ADORA1: variants seen among roughly 807,000 people sequenced by gnomAD.
The protein encoded by ADORA1 is adenosine receptor A1.
In ADORA1, 6 loss-of-function variants were observed where a neutral mutation model predicts 19.9. That is an observed-to-expected ratio of 0.30 (90% CI 0.17 to 0.59). The LOEUF is 0.59. Ranked by LOEUF, ADORA1 falls within the 20% of genes least tolerant of loss-of-function variation. The probability of loss-of-function intolerance (pLI) is 0.87; values close to 1 mark genes in which losing one functional copy is unlikely to be tolerated. For synonymous variants in ADORA1, 194 were observed against 188.4 expected (o/e 1.03, Z -0.24); for missense variants, 302 against 439.2 (o/e 0.69, Z 2.79).
chr1:203,146,822 A>G (rs1171051254), intron 3 of ADORA1, among the ~76,000 whole-genome samples: 1 of 152,196 alleles, frequency 6.6e-6, no homozygotes, highest in Non-Finnish European at 1.5e-5. Flanking sequence ...TGCTGCCTCA[A>G]TCACAAGTGC....
chr1:203,131,757 G>A (rs1654346262), intron 3 of ADORA1, among the ~76,000 whole-genome samples: 2 of 152,216 alleles, frequency 1.3e-5, no homozygotes, highest in Admixed American at 6.5e-5. Context: ...CTCCTGCGTG[G>A]CACTGCCCAG....
At chr1:203,144,515 C>G (rs543248428) in intron 3 of ADORA1, among the ~76,000 whole-genome samples, 3 of 152,266 alleles carry the variant, frequency 2.0e-5, no homozygotes, top group Admixed American at 2.0e-4. Context: ...TAATATATCC[C>G]CATTTTCCAC....
chr1:203,144,517 A>G lies in ADORA1; in HGVS notation c.341+15335A>G, dbSNP rs5019958. Reference sequence around the variant, plus strand: ...CTAATAAATTAAATAATATATCCCCATTTTCCACATGAGGGAGCCGAGGCT... The same window carrying G: ...CTAATAAATTAAATAATATATCCCCGTTTTCCACATGAGGGAGCCGAGGCT... On this transcript the variant is annotated intron_variant, in intron 3 of 3. Coordinates refer to ENST00000337894, the MANE Select transcript of ADORA1 (RefSeq NM_000674.3). Among the ~76,000 whole-genome samples the G allele has an allele frequency of 4.4e-3, 669 of 152,262 alleles. 11 individuals carry two copies. Among genetic ancestry groups the G allele is most frequent in the East Asian group, 0.031 (159 of 5,188 alleles).
chr1:203,165,178 C>A lies in ADORA1; in HGVS notation c.342-83C>A. 1.9e-6 allele frequency: 3 copies of A among 1,598,632 alleles called. No individual in the cohort carries two copies. Among genetic ancestry groups the A allele is most frequent in the Non-Finnish European group, 2.6e-6 (3 of 1,173,212 alleles). ...AGAGGAGGGTGCTCCTCTTAGAGGC[C>A]CCTGGAGGCCAGGCGTGCCTCAGAG... On this transcript the variant is annotated intron_variant, in intron 3 of 3. Transcript: ENST00000337894. The surrounding 1 kb of genome is among the most constrained non-coding windows in gnomAD (Gnocchi z 5.9).
At chr1:203,137,542 T>C (rs1011266589) in intron 3 of ADORA1, among the ~76,000 whole-genome samples, 24 of 152,166 alleles carry the variant, frequency 1.6e-4, no homozygotes, top group African/African-American at 5.6e-4. Context: ...AGTAGTTAGG[T>C]GCTATTGCAG....
chr1:203,165,961 C>A lies in ADORA1; in HGVS notation c.*61C>A. ...GGGGTCTCAGTCCAGTCCTCACATG[C>A]CCGCTGTCCCAGGGGTCTCCCTGAG... On this transcript the variant is annotated 3_prime_UTR_variant, in exon 4 of 4. Transcript: ENST00000337894. This position sits in a 1 kb window ranked among gnomAD's most constrained non-coding sequence, Gnocchi z 5.9. 2 of 1,497,944 alleles carry A rather than the reference C, an allele frequency of 1.3e-6. No individual in the cohort carries two copies. The highest frequency in any genetic ancestry group is 2.3e-5 in the East Asian group (1 of 43,456). The allele number at this position is 1,497,944 out of a possible 1,614,324, so 92.8% of individuals were successfully genotyped here. A position where few individuals can be genotyped will look rare whatever the true frequency, so the allele number is the denominator to read the frequency against.
intron 3 of ADORA1, among the ~76,000 whole-genome samples, chr1:203,162,157 G>C (rs3753473): frequency 1.3e-5 from 2 of 152,166 alleles, no homozygotes; most frequent in Admixed American, 6.5e-5. Context: ...GTAAGGATAG[G>C]TGAGCTTCTC....
intron 3 of ADORA1, among the ~76,000 whole-genome samples, chr1:203,147,646 A>G (rs1654899238): frequency 6.6e-6 from 1 of 152,190 alleles, no homozygotes. Flanking sequence ...TGCATTTTAA[A>G]AGGACCCCAG....
intron 3 of ADORA1, among the ~76,000 whole-genome samples, chr1:203,147,968 C>T (rs1480599813): frequency 1.3e-5 from 2 of 152,160 alleles, no homozygotes; most frequent in Non-Finnish European, 2.9e-5. Flanking sequence ...CCTATAATCC[C>T]AGCACTTTGG....
intron 3 of ADORA1, among the ~76,000 whole-genome samples, chr1:203,154,927 C>A (rs1410812835): frequency 6.6e-6 from 1 of 152,082 alleles, no homozygotes; most frequent in African/African-American, 2.4e-5. Context: ...ATGCCCACCC[C>A]CTCTTCCTTC....
chr1:203,132,027 A>G (rs115505398), intron 3 of ADORA1, among the ~76,000 whole-genome samples: 5 of 152,260 alleles, frequency 3.3e-5, no homozygotes, highest in Admixed American at 6.5e-5. Flanking sequence ...GTCAACCACA[A>G]ATTTTCTTTC....
At chr1:203,151,252 T>G (rs552910607) in intron 3 of ADORA1, among the ~76,000 whole-genome samples, 63 of 152,328 alleles carry the variant, frequency 4.1e-4, no homozygotes, top group Admixed American at 7.8e-4. Flanking sequence ...GGAGCTTTAC[T>G]GGGGTTCTCC....
chr1:203,135,162 A>G (rs1316997778), intron 3 of ADORA1, among the ~76,000 whole-genome samples: 2 of 152,230 alleles, frequency 1.3e-5, no homozygotes, highest in African/African-American at 4.8e-5. Flanking sequence ...CCAGGGACAC[A>G]TCTGCTTACA....
chr1:203,162,189 C>T (rs539334374), intron 3 of ADORA1, among the ~76,000 whole-genome samples: 1 of 152,318 alleles, frequency 6.6e-6, no homozygotes, highest in South Asian at 2.1e-4. Flanking sequence ...GGAGGCAGCC[C>T]TTCCTGTGAG....
chr1:203,133,793 G>A (rs910272928), intron 3 of ADORA1, among the ~76,000 whole-genome samples: 8 of 152,254 alleles, frequency 5.3e-5, no homozygotes, highest in Non-Finnish European at 2.9e-5. Context: ...ACAGCAAGGA[G>A]TGGTGGAGGA....
intron 3 of ADORA1, among the ~76,000 whole-genome samples, chr1:203,129,875 C>T (rs917185028): frequency 1.3e-5 from 2 of 152,230 alleles, no homozygotes; most frequent in Admixed American, 1.3e-4. Context: ...TTGCTGGTCA[C>T]AGTAGAGGTG....
chr1:203,143,549 G>A (rs1224056083), intron 3 of ADORA1, among the ~76,000 whole-genome samples: 6 of 151,994 alleles, frequency 3.9e-5, no homozygotes, highest in South Asian at 4.2e-4. Context: ...CTGTGTGTGT[G>A]TGTGTGTGTT....
intron 3 of ADORA1, among the ~76,000 whole-genome samples, chr1:203,139,372 G>C (rs182200637): frequency 2.0e-5 from 3 of 152,140 alleles, no homozygotes; most frequent in Admixed American, 6.5e-5. Flanking sequence ...TCCCATTTTC[G>C]TAGTGAATTG....
chr1:203,146,218 C>T (rs1009236949), intron 3 of ADORA1, among the ~76,000 whole-genome samples: 3 of 152,132 alleles, frequency 2.0e-5, no homozygotes, highest in Non-Finnish European at 4.4e-5. Context: ...GGTGGCACTG[C>T]GTGACTTCTT....
Sources: allele counts gnomAD v4.1 joint callset (sites outside exome capture counted in the v4.1 genomes callset), GRCh38; gene constraint gnomAD v4.1.1; non-coding constraint Gnocchi (gnomAD v3.1); transcripts MANE v1.5; gene names NCBI Gene and HGNC (gene_info 2026-07-23, HGNC 2026-07-21).